ATAD3B: variants seen among roughly 807,000 people sequenced by gnomAD.
ATAD3B encodes ATPase family AAA domain-containing protein 3B.
In ATAD3B, 59 loss-of-function variants were observed where a neutral mutation model predicts 70.2. The observed-to-expected ratio is 0.84, with a 90% confidence interval of 0.68 to 1.04. The LOEUF is 1.04. ATAD3B is among the 50% of genes least tolerant of loss of function. The pLI, the probability that ATAD3B is intolerant of heterozygous loss-of-function variation, is 0.00. For synonymous variants in ATAD3B, 423 were observed against 388.6 expected (o/e 1.09, Z -1.04); for missense variants, 961 against 913.4 (o/e 1.05, Z -0.67).
intron 1 of ATAD3B, 135 bp from the exon 2 acceptor site, chr1:1,477,139 G>A: frequency 8.4e-7 from 1 of 1,192,606 alleles, no homozygotes; most frequent in East Asian, 2.6e-5. Context: ...CCTCAGAGTT[G>A]CTGGGATTAC....
At chr1:1,472,300 G>A (rs1236326089) in intron 1 of ATAD3B, among the ~76,000 whole-genome samples, 1 of 151,990 alleles carries the variant, frequency 6.6e-6, no homozygotes, top group Non-Finnish European at 1.5e-5. Flanking sequence ...TGTCAGGAGC[G>A]GGTCAGGTGC....
intron 15 of ATAD3B, 58 bp downstream of exon 15, chr1:1,490,729 C>T (rs1251208584): frequency 1.3e-6 from 2 of 1,535,338 alleles, no homozygotes; most frequent in Non-Finnish European, 1.8e-6. Flanking sequence ...TGGAGATGCT[C>T]AGTTGCGCCA....
chr1:1,475,070 A>G (rs1202324406), intron 1 of ATAD3B, among the ~76,000 whole-genome samples: 4 of 148,380 alleles, frequency 2.7e-5, no homozygotes, highest in Admixed American at 2.0e-4. Context: ...CCGCCTCCCC[A>G]TAGTGCAGAC....
chr1:1,486,112 C>T lies in ATAD3B; in HGVS notation c.966C>T (p.Pro322=), dbSNP rs372568668. 3.1e-6 allele frequency: 5 copies of T among 1,613,116 alleles called. No homozygotes were observed. In the East Asian group the frequency reaches 8.9e-5, roughly 29 times the overall value. ...QDVLEGVVLS[P]SLEARVRDIA... ...CAAACCCCCGTCTTCCCCGGCAGCC[C>T]AGCCTGGAAGCACGGGTGCGCGACA... Residue 322 remains proline, a splice_region_variant and synonymous_variant, in exon 10 of 16, where the codon CCC becomes CCT. Coordinates refer to ENST00000673477, the MANE Select transcript of ATAD3B (RefSeq NM_031921.6).
At position 1,485,039 on chromosome 1, in the gene ATAD3B, T is replaced by A. The variant is rs1640127307; in HGVS notation, c.774T>A (p.Ala258=). Residue 258 remains alanine (A), a synonymous_variant, in exon 8 of 16, where the codon GCT becomes GCA. Coordinates refer to ENST00000673477, the MANE Select transcript of ATAD3B (RefSeq NM_031921.6). ...TATVAGLTLL[A]VGVYSAKNAT... is the part of the protein sequence containing the mutation. ...AGGTGGCTGGGCTGACGCTGCTGGC[T>A]GTCGGGGTCTACTCAGCCAAGAATG... The A allele has an allele frequency of 6.2e-7, 1 of 1,603,716 alleles. No homozygotes were observed. Among genetic ancestry groups the A allele is most frequent in the Non-Finnish European group, 8.5e-7 (1 of 1,176,772 alleles).
At chr1:1,503,574 G>C in the ATAD3B span, 7 of 1,608,290 alleles carry the variant, frequency 4.4e-6, no homozygotes, top group Non-Finnish European at 5.9e-6. Context: ...CTGTGCCCCT[G>C]TGCCTGCAGG....
chr1:1,478,643 G>A lies in ATAD3B; in HGVS notation c.283-1G>A. On this transcript the variant is annotated splice_acceptor_variant, in intron 2 of 15. Transcript: ENST00000673477. LOFTEE classifies it high-confidence loss of function. ...CAGCTGGTGAGTGCTGTGCTCTGCA[G>A]GAGTATGAGGCCGCCGTGGAGCAGC... 3.2e-6 allele frequency: 5 copies of A among 1,548,218 alleles called. No individual in the cohort carries two copies. The highest frequency in any genetic ancestry group is 2.0e-4 in the Middle Eastern group (1 of 4,968).
rs1277412287 is a variant in ATAD3B, at chr1:1,493,755, G to A, written c.1615-1730G>A. ...GATTTTCATATATTGAACTATCCTT[G>A]CATTCCAGGAATGAATCCTGCTTGG... On this transcript the variant is annotated intron_variant, in intron 15 of 15. Coordinates refer to ENST00000673477, the MANE Select transcript of ATAD3B (RefSeq NM_031921.6). Among the ~76,000 whole-genome samples the A allele has an allele frequency of 2.0e-5, 3 of 151,758 alleles. No homozygotes were observed. The Admixed American group carries it at 2.0e-4, about 10-fold the overall frequency.
chr1:1,472,429 A>G (rs970153326), intron 1 of ATAD3B, among the ~76,000 whole-genome samples: 1 of 152,026 alleles, frequency 6.6e-6, no homozygotes, highest in Admixed American at 6.6e-5. Context: ...TCCACGTGGC[A>G]CAGGCCAAGG....
In ATAD3B at chr1:1,496,549, C is replaced by G. The variant is rs906390631; in HGVS notation, c.*732C>G. On this transcript the variant is annotated 3_prime_UTR_variant, in exon 16 of 16. Coordinates refer to ENST00000673477, the MANE Select transcript of ATAD3B (RefSeq NM_031921.6). ...CCAGGCATCGTCCATGGAAGACACGCAGTCGGCCACTGCAGCCTCGGTCCT... is the reference window on the plus strand; with the variant it reads ...CCAGGCATCGTCCATGGAAGACACGGAGTCGGCCACTGCAGCCTCGGTCCT... The G allele has an allele frequency of 1.3e-5, 2 of 152,140 alleles. No homozygotes were observed. The highest frequency in any genetic ancestry group is 4.8e-5 in the African/African-American group (2 of 41,338). The allele number at this position is 152,140 out of a possible 1,614,324, so 9.4% of individuals were successfully genotyped here.
intron 1 of ATAD3B, 64 bp from the exon 2 acceptor site, chr1:1,477,210 A>G: frequency 1.3e-6 from 2 of 1,592,390 alleles, no homozygotes; most frequent in South Asian, 1.1e-5. Flanking sequence ...GGGTTTCACC[A>G]TGTTGGCCAG....
At chr1:1,481,606 G>A (rs1557799685) in intron 5 of ATAD3B, among the ~76,000 whole-genome samples, 1 of 115,436 alleles carries the variant, frequency 8.7e-6, no homozygotes, top group Non-Finnish European at 1.8e-5. Context: ...GTGGCGAGGT[G>A]TGTGCGTTTA....
chr1:1,491,956 C>T (rs1280525567), intron 15 of ATAD3B, among the ~76,000 whole-genome samples: 1 of 151,756 alleles, frequency 6.6e-6, no homozygotes, highest in Non-Finnish European at 1.5e-5. Flanking sequence ...GAGGCCAAGT[C>T]AGTCAGATTA....
chr1:1,479,617 CAG>C (rs199855942), intron 4 of ATAD3B, among the ~76,000 whole-genome samples: 1,461 of 145,884 alleles, frequency 0.01, 132 homozygotes, highest in Non-Finnish European at 0.011. Flanking sequence ...CACCCCCACA[CAG>C]GGGCATGCTC....
At chr1:1,488,569 G>T (rs1177348156) in intron 12 of ATAD3B, among the ~76,000 whole-genome samples, 1 of 151,952 alleles carries the variant, frequency 6.6e-6, no homozygotes, top group Non-Finnish European at 1.5e-5. Context: ...GACCAGCTTG[G>T]TCAATATGGT....
intron 15 of ATAD3B, among the ~76,000 whole-genome samples, chr1:1,493,214 CTCCCT>C (rs1475591686): frequency 6.6e-6 from 1 of 151,944 alleles, no homozygotes; most frequent in East Asian, 1.9e-4. Context: ...GATTTTACCT[CTCCCT>C]TTTCAGTTTG....
intron 11 of ATAD3B, 137 bp from the exon 12 acceptor site, chr1:1,487,726 G>A (rs1640301571): frequency 4.5e-6 from 5 of 1,112,050 alleles, no homozygotes; most frequent in African/African-American, 1.5e-5. Context: ...TCGAGTCCAG[G>A]ACTTAGGGCT....
downstream of ATAD3B, among the ~76,000 whole-genome samples, chr1:1,499,222 C>T (rs1223648084): frequency 4.0e-5 from 6 of 151,002 alleles, no homozygotes; most frequent in South Asian, 2.1e-4. Flanking sequence ...CCGCCCGCCT[C>T]GACCTCCCAA....
the ATAD3B span, among the ~76,000 whole-genome samples, chr1:1,507,076 C>A: frequency 6.6e-6 from 1 of 152,122 alleles, no homozygotes; most frequent in Non-Finnish European, 1.5e-5. Flanking sequence ...CGTGAGCCAC[C>A]GCCCGCGCCC....
Sources: gnomAD v4.1 joint callset for allele counts (sites outside exome capture counted in the v4.1 genomes callset) on GRCh38, gnomAD v4.1.1 for gene constraint, MANE v1.5 for transcripts, NCBI Gene and HGNC (gene_info 2026-07-23, HGNC 2026-07-21) for gene names.